MTAP: variants seen among roughly 807,000 people sequenced by gnomAD.
The protein encoded by MTAP is methylthioadenosine phosphorylase, also known as S-methyl-5'-thioadenosine phosphorylase.
In MTAP, 33 loss-of-function variants were observed where a neutral mutation model predicts 33.6. The observed-to-expected ratio is 0.98, with a 90% CI of 0.74 to 1.31. MTAP has a LOEUF of 1.31. Among genes scored for constraint, MTAP ranks in the 40% most tolerant of loss-of-function variants. The pLI, the probability that MTAP is intolerant of heterozygous loss-of-function variation, is 0.00. For missense variants in MTAP, 367 were observed against 360.0 expected, an observed-to-expected ratio of 1.02 and a Z score of -0.16; for synonymous variants, 148 against 125.7, an observed-to-expected ratio of 1.18 and a Z score of -1.19.
intron 1 of MTAP, among the ~76,000 whole-genome samples, chr9:21,908,644 A>G (rs1483528317): frequency 1.3e-5 from 2 of 152,024 alleles, no homozygotes; most frequent in Non-Finnish European, 2.9e-5. Flanking sequence ...TTATGACTTA[A>G]CACTGACATT....
chr9:21,872,173 C>T (rs1046349133), intron 1 of MTAP, among the ~76,000 whole-genome samples: 8 of 152,120 alleles, frequency 5.3e-5, no homozygotes, highest in African/African-American at 1.7e-4. Context: ...ATTAAACAGG[C>T]ATGATGGTAG....
rs115430853 is a variant in MTAP, at chr9:21,833,421, G to T, written c.348-4487G>T. Among the ~76,000 whole-genome samples the T allele has an allele frequency of 8.2e-3, 1,254 of 152,216 alleles. 13 individuals carry two copies. The highest frequency in any genetic ancestry group is 0.026 in the African/African-American group (1,098 of 41,518). Reference sequence around the variant, plus strand: ...GCTGATCTTGAACATCTAAACTCAAGGGTTCCACCCACCTTGGCCTCCTAA... The same window carrying T: ...GCTGATCTTGAACATCTAAACTCAATGGTTCCACCCACCTTGGCCTCCTAA... On this transcript the variant is annotated intron_variant, in intron 4 of 7. Transcript: ENST00000644715.
intron 1 of MTAP, among the ~76,000 whole-genome samples, chr9:21,890,731 C>CA (rs1818187464): frequency 6.6e-6 from 1 of 152,126 alleles, no homozygotes; most frequent in Admixed American, 6.5e-5. Context: ...TCAGGTTCCC[C>CA]AGTGAGGATG....
At chr9:21,906,333 C>T (rs369601451) in intron 1 of MTAP, among the ~76,000 whole-genome samples, 9 of 151,154 alleles carry the variant, frequency 6.0e-5, no homozygotes, top group South Asian at 2.1e-4. Flanking sequence ...GAATTGAAGA[C>T]GTGAAAAAAA....
downstream of MTAP, among the ~76,000 whole-genome samples, chr9:21,940,790 A>T (rs1819125789): frequency 6.6e-6 from 1 of 152,170 alleles, no homozygotes; most frequent in African/African-American, 2.4e-5. Flanking sequence ...GTGTTCACCA[A>T]CCCAGAAGCT....
At chr9:21,875,180 T>C (rs2118666652) in intron 1 of MTAP, among the ~76,000 whole-genome samples, 1 of 152,296 alleles carries the variant, frequency 6.6e-6, no homozygotes. Flanking sequence ...TATAATCCTT[T>C]GGGTATATGC....
intron 1 of MTAP, among the ~76,000 whole-genome samples, chr9:21,888,214 T>G (rs929966924): frequency 6.6e-6 from 1 of 152,166 alleles, no homozygotes; most frequent in South Asian, 2.1e-4. Context: ...TTTCTTAAAT[T>G]TGTTGAGATT....
At chr9:21,828,692 C>T (rs960086845) in intron 4 of MTAP, among the ~76,000 whole-genome samples, 24 of 152,006 alleles carry the variant, frequency 1.6e-4, no homozygotes, top group Middle Eastern at 3.2e-3. Flanking sequence ...AAAGAAGGAT[C>T]CCTAAGAGAA....
chr9:21,833,860 A>C (rs1164521058), intron 4 of MTAP, among the ~76,000 whole-genome samples: 1 of 152,194 alleles, frequency 6.6e-6, no homozygotes, highest in Non-Finnish European at 1.5e-5. Flanking sequence ...GTCTTGATTC[A>C]AGAAACAACC....
At chr9:21,891,542 CAG>C (rs1818200943) in intron 1 of MTAP, among the ~76,000 whole-genome samples, 1 of 152,110 alleles carries the variant, frequency 6.6e-6, no homozygotes, top group African/African-American at 2.4e-5. Flanking sequence ...GAAATAAACT[CAG>C]AGCTTGAAGA....
intron 4 of MTAP, among the ~76,000 whole-genome samples, chr9:21,831,004 C>G (rs1468844120): frequency 6.6e-6 from 1 of 152,168 alleles, no homozygotes; most frequent in Non-Finnish European, 1.5e-5. Flanking sequence ...CTGCCAGCTG[C>G]TTTATTCAAG....
downstream of MTAP, among the ~76,000 whole-genome samples, chr9:21,938,347 A>G (rs1447822144): frequency 2.0e-5 from 3 of 151,362 alleles, no homozygotes; most frequent in Non-Finnish European, 4.4e-5. Context: ...CTGAGGTGGG[A>G]GGATCACCTG....
At chr9:21,861,136 C>T (rs1376056033) in intron 7 of MTAP, 1 of 152,112 alleles carries the variant, frequency 6.6e-6, no homozygotes, top group Non-Finnish European at 1.5e-5. Context: ...GTTAATTTCT[C>T]AAATAATATA....
chr9:21,912,918 A>G (rs1293051831), intron 1 of MTAP, among the ~76,000 whole-genome samples: 1 of 152,230 alleles, frequency 6.6e-6, no homozygotes, highest in Non-Finnish European at 1.5e-5. Flanking sequence ...TTAAGCTGAT[A>G]AGCAACTTCA....
intron 1 of MTAP, among the ~76,000 whole-genome samples, chr9:21,924,494 T>C (rs777100716): frequency 6.6e-6 from 1 of 152,166 alleles, no homozygotes; most frequent in African/African-American, 2.4e-5. Flanking sequence ...GCAGGGAAAA[T>C]AGACAGAAAT....
intron 1 of MTAP, among the ~76,000 whole-genome samples, chr9:21,876,536 G>C (rs1456284750): frequency 6.6e-6 from 1 of 152,036 alleles, no homozygotes; most frequent in Non-Finnish European, 1.5e-5. Flanking sequence ...ATCTTGAGTT[G>C]ATTTTTGTAT....
At chr9:21,818,242 G>T in intron 4 of MTAP, 40 bp downstream of exon 4, 3 of 1,585,786 alleles carry the variant, frequency 1.9e-6, no homozygotes, top group Non-Finnish European at 2.6e-6. Flanking sequence ...ATTGTAGCTG[G>T]TCATTTTCAG....
chr9:21,847,948 T>C (rs1825421554), intron 5 of MTAP, among the ~76,000 whole-genome samples: 1 of 152,196 alleles, frequency 6.6e-6, no homozygotes. Flanking sequence ...AACTTGGAAC[T>C]GGGATGTGTG....
At chr9:21,867,236 G>A (rs530888166), downstream of MTAP, among the ~76,000 whole-genome samples, 1 of 152,266 alleles carries the variant, frequency 6.6e-6, no homozygotes, top group South Asian at 2.1e-4. Context: ...AGCGGTGTGT[G>A]AGTTGTTACT....
Sources: allele counts gnomAD v4.1 joint callset (sites outside exome capture counted in the v4.1 genomes callset), GRCh38; gene constraint gnomAD v4.1.1; transcripts MANE v1.5; gene names NCBI Gene and HGNC (gene_info 2026-07-23, HGNC 2026-07-21).